SYNE1: variants seen among roughly 807,000 people sequenced by gnomAD.
SYNE1 encodes the protein spectrin repeat containing nuclear envelope protein 1, also known as nesprin-1.
Under a neutral mutation model 1,111.0 loss-of-function variants are expected in SYNE1, and 616 were observed. The observed-to-expected ratio is 0.55, with a 90% CI of 0.52 to 0.59. The LOEUF (loss-of-function observed/expected upper bound fraction) is 0.59. SYNE1 is among the 20% of genes least tolerant of loss of function. The probability of loss-of-function intolerance (pLI) is 0.00; values close to 1 mark genes in which losing one functional copy is unlikely to be tolerated. For missense variants in SYNE1, 10,006 were observed against 10,417.0 expected (o/e 0.96, Z 1.72); for synonymous variants, 3,855 against 3,825.8 (o/e 1.01, Z -0.28).
chr6:152,149,717 T>C, intron 135 of SYNE1, 49 bp from the exon 136 acceptor site: 3 of 1,506,078 alleles, frequency 2.0e-6, no homozygotes, highest in Non-Finnish European at 2.8e-6. Context: ...TTGCTTACAT[T>C]GATATAAAAG....
In SYNE1 at chr6:152,139,934, G is replaced by A. The variant is rs2058191894; in HGVS notation, c.25458+16C>T. On this transcript the variant is annotated intron_variant, in intron 140 of 145. Coordinates refer to ENST00000367255, the MANE Select transcript of SYNE1 (RefSeq NM_182961.4). ...CTCTCTGTTTGTCCGCCGTGGGAAA[G>A]GCAAGGGGCAGCTACCTTGAGCTTT... is the stretch of plus-strand genomic sequence containing the variant. 1.9e-6 allele frequency: 3 copies of A among 1,612,662 alleles called. No individual in the cohort carries two copies. Among genetic ancestry groups the A allele is most frequent in the Middle Eastern group, 2.0e-4 (1 of 4,928 alleles).
At chr6:152,277,264 C>CTT (rs747947368) in intron 98 of SYNE1, among the ~76,000 whole-genome samples, 15 of 82,124 alleles carry the variant, frequency 1.8e-4, no homozygotes, top group South Asian at 4.3e-4. Context: ...TTTTCTTTTT[C>CTT]TTTTTTTTTT....
rs750234865 is a variant in SYNE1 at position 152,259,084 on chromosome 6, T to G, written c.18973-2319A>C. Among the ~76,000 whole-genome samples the G allele has an allele frequency of 2.9e-4, 44 of 152,130 alleles. 1 individual carries two copies. The highest frequency in any genetic ancestry group is 3.9e-4 in the Admixed American group (6 of 15,270). ...ACTTTTCAAAATACCTCCTCACCTT[T>G]CAGGCTGACTACTCATGATCCTGTA... On this transcript the variant is annotated intron_variant, in intron 101 of 145. Coordinates refer to ENST00000367255, the MANE Select transcript of SYNE1 (RefSeq NM_182961.4).
chr6:152,442,266 G>C, intron 30 of SYNE1, 21 bp from the exon 31 acceptor site: 1 of 1,611,342 alleles, frequency 6.2e-7, no homozygotes. Flanking sequence ...TTATTCAACA[G>C]ATGGATATAA....
At chr6:152,328,904 G>T (rs967309711) in intron 78 of SYNE1, among the ~76,000 whole-genome samples, 1 of 152,164 alleles carries the variant, frequency 6.6e-6, no homozygotes, top group Non-Finnish European at 1.5e-5. Context: ...CACAGAGGGG[G>T]TGAAGAGATG....
At chr6:152,339,826 A>G (rs188176947) in intron 74 of SYNE1, among the ~76,000 whole-genome samples, 79 of 152,300 alleles carry the variant, frequency 5.2e-4, no homozygotes, top group African/African-American at 1.9e-3. Flanking sequence ...TTTGCAGGAG[A>G]TTCATCTTGT....
chr6:152,194,744 C>T (rs761864932), intron 127 of SYNE1, among the ~76,000 whole-genome samples: 54 of 152,106 alleles, frequency 3.6e-4, no homozygotes, highest in African/African-American at 1.2e-3. Flanking sequence ...TTCAAGCTCA[C>T]GAATTCTTTC....
intron 3 of SYNE1, among the ~76,000 whole-genome samples, chr6:152,544,184 G>A (rs1464457667): frequency 6.6e-6 from 1 of 152,222 alleles, no homozygotes; most frequent in African/African-American, 2.4e-5. Context: ...CAGGGTAGAG[G>A]AGAGGTGTGG....
At chr6:152,409,347 A>G (rs1592101112) in intron 43 of SYNE1, 121 bp from the exon 44 acceptor site, 2 of 1,091,778 alleles carry the variant, frequency 1.8e-6, no homozygotes, top group East Asian at 2.5e-5. Context: ...TGATAGTGAG[A>G]TTAATTAACT....
chr6:152,189,596 C>T (rs1267152730), intron 127 of SYNE1, among the ~76,000 whole-genome samples, 189 bp from the exon 128 acceptor site: 3 of 152,050 alleles, frequency 2.0e-5, no homozygotes, highest in Non-Finnish European at 4.4e-5. Context: ...AAGTATATAT[C>T]ACAATAAAGT....
chr6:152,610,033 G>A (rs2099626834), intron 3 of SYNE1, among the ~76,000 whole-genome samples: 1 of 152,188 alleles, frequency 6.6e-6, no homozygotes, highest in Non-Finnish European at 1.5e-5. Context: ...CCACAAAGAT[G>A]GGGAGAAACC....
chr6:152,221,146 G>T, intron 118 of SYNE1, 100 bp from the exon 119 acceptor site: 3 of 1,266,008 alleles, frequency 2.4e-6, no homozygotes, highest in Non-Finnish European at 3.4e-6. Context: ...TGTGAATATA[G>T]ACATAATCAT....
chr6:152,560,109 G>A (rs2099390260), intron 3 of SYNE1, among the ~76,000 whole-genome samples: 1 of 152,084 alleles, frequency 6.6e-6, no homozygotes, highest in Non-Finnish European at 1.5e-5. Flanking sequence ...TCCCAGCACT[G>A]TGGGAGGCCG....
At chr6:152,506,156 G>C (rs1034146863) in intron 8 of SYNE1, among the ~76,000 whole-genome samples, 2 of 152,166 alleles carry the variant, frequency 1.3e-5, no homozygotes, top group Non-Finnish European at 2.9e-5. Flanking sequence ...AATCAAGTTG[G>C]TAGCCATATT....
chr6:152,324,384 G>C (rs2095986162), intron 81 of SYNE1, among the ~76,000 whole-genome samples: 1 of 152,134 alleles, frequency 6.6e-6, no homozygotes, highest in African/African-American at 2.4e-5. Context: ...GGGCGACAGA[G>C]CAAGACTCCA....
In SYNE1 at chr6:152,416,421, A is replaced by G. The variant is rs1563853826; in HGVS notation, c.6016T>C (p.Leu2006=). The G allele has an allele frequency of 1.2e-6, 2 of 1,614,122 alleles. No homozygotes were observed. Among genetic ancestry groups the G allele is most frequent in the Non-Finnish European group, 1.7e-6 (2 of 1,180,028 alleles). Residue 2006 remains leucine, a synonymous_variant, in exon 41 of 146, where the codon TTG becomes CTG. Transcript: ENST00000367255. ...AGAGCTTGGCGGGTAGGTTCTTTCA[A>G]TCGCTCTTTGTCAGTCCTTTCTTCA... ...DIEERTDKER[L]KEPTRQALQQ...
chr6:152,253,514 A>G (rs2089903748), intron 104 of SYNE1, among the ~76,000 whole-genome samples: 1 of 152,218 alleles, frequency 6.6e-6, no homozygotes, highest in African/African-American at 2.4e-5. Flanking sequence ...CCGCAAAGTT[A>G]TACAGCAGTA....
Position 152,441,878 on chromosome 6 carries a change from C to T in SYNE1, c.4008+197G>A, listed in dbSNP as rs548884394. ...CAAACTCTTTCTTCTTAAGCATCCACACTTGCAAAATGTGCAACTTCCAAT... is the reference window on the plus strand; with the variant it reads ...CAAACTCTTTCTTCTTAAGCATCCATACTTGCAAAATGTGCAACTTCCAAT... On this transcript the variant is annotated intron_variant, in intron 31 of 145. Coordinates refer to ENST00000367255, the MANE Select transcript of SYNE1 (RefSeq NM_182961.4). Among the ~76,000 whole-genome samples the T allele has an allele frequency of 1.4e-3, 206 of 152,322 alleles. 1 individual carries two copies. Among genetic ancestry groups the T allele is most frequent in the Admixed American group, 2.9e-3 (44 of 15,296 alleles).
At chr6:152,549,640 T>C (rs573773396) in intron 3 of SYNE1, among the ~76,000 whole-genome samples, 1 of 152,334 alleles carries the variant, frequency 6.6e-6, no homozygotes, top group South Asian at 2.1e-4. Flanking sequence ...CATGGATTGA[T>C]GCGAAGGGAC....
Sources: allele counts gnomAD v4.1 joint callset (sites outside exome capture counted in the v4.1 genomes callset), GRCh38; gene constraint gnomAD v4.1.1; transcripts MANE v1.5; gene names NCBI Gene and HGNC (gene_info 2026-07-23, HGNC 2026-07-21).